Variants in STAG1 observed in about 807,000 individuals in gnomAD.
STAG1 encodes STAG1 cohesin complex component.
A neutral mutation model predicts 170.9 loss-of-function variants in STAG1; 26 were observed. The ratio of observed to expected loss-of-function variants is 0.15; its 90% CI spans 0.11 to 0.21. The LOEUF is 0.21. Among genes scored for constraint, STAG1 ranks in the 10% least tolerant of loss-of-function variants. The pLI, the probability that STAG1 is intolerant of heterozygous loss-of-function variation, is 1.00. For missense variants in STAG1, 964 were observed against 1,509.5 expected (o/e 0.64, Z 5.99); for synonymous variants, 514 against 497.7 (o/e 1.03, Z -0.44).
intron 21 of STAG1, among the ~76,000 whole-genome samples, chr3:136,410,308 G>A (rs926830279): frequency 6.6e-6 from 1 of 151,992 alleles, no homozygotes; most frequent in African/African-American, 2.4e-5. Context: ...GCTGAGGCAG[G>A]AGAATTGCCT....
chr3:136,454,618 C>T (rs375473930), intron 13 of STAG1, among the ~76,000 whole-genome samples: 3 of 150,662 alleles, frequency 2.0e-5, no homozygotes, highest in Admixed American at 1.3e-4. Context: ...GACCTCAAGT[C>T]GTCCACCTGC....
chr3:136,357,638 A>T, intron 28 of STAG1, 82 bp downstream of exon 28: 1 of 1,085,466 alleles, frequency 9.2e-7, no homozygotes, highest in Non-Finnish European at 1.3e-6. Context: ...AAAGATATCC[A>T]AATGATTAAA....
chr3:136,625,435 C>T (rs1204243001), intron 2 of STAG1, among the ~76,000 whole-genome samples: 1 of 152,214 alleles, frequency 6.6e-6, no homozygotes, highest in Non-Finnish European at 1.5e-5. Flanking sequence ...GACATACTTA[C>T]TTGAATGCCA....
intron 28 of STAG1, among the ~76,000 whole-genome samples, chr3:136,355,259 G>T (rs914087597): frequency 1.4e-5 from 2 of 148,004 alleles, no homozygotes; most frequent in African/African-American, 5.0e-5. Context: ...GGCTGAGGCA[G>T]GAGAATCGCT....
At chr3:136,474,651 C>T (rs191157944) in intron 10 of STAG1, among the ~76,000 whole-genome samples, 75 of 152,300 alleles carry the variant, frequency 4.9e-4, no homozygotes, top group Non-Finnish European at 3.2e-4. Context: ...CCTACAGTAG[C>T]ATACATACCA....
intron 6 of STAG1, among the ~76,000 whole-genome samples, chr3:136,524,804 A>T (rs536847017): frequency 8.1e-4 from 123 of 152,312 alleles, no homozygotes; most frequent in Admixed American, 1.5e-3. Context: ...TTTTAGCATG[A>T]AGGCTGTTGA....
intron 9 of STAG1, 95 bp from the exon 10 acceptor site, chr3:136,477,507 G>C (rs570280380): frequency 1.7e-6 from 2 of 1,165,196 alleles, no homozygotes; most frequent in East Asian, 2.6e-5. Context: ...TTCTAATGCT[G>C]TTTGTATATA....
At chr3:136,427,155 G>C (rs1300152297) in intron 16 of STAG1, among the ~76,000 whole-genome samples, 1 of 150,814 alleles carries the variant, frequency 6.6e-6, no homozygotes. Flanking sequence ...CTTGAACCCG[G>C]GAGGCAGATG....
At chr3:136,681,670 T>C (rs1942341295) in intron 1 of STAG1, among the ~76,000 whole-genome samples, 1 of 152,128 alleles carries the variant, frequency 6.6e-6, no homozygotes, top group Non-Finnish European at 1.5e-5. Flanking sequence ...GAACTCAACC[T>C]CATATTAAAA....
At chr3:136,456,577 C>A (rs2089118458) in intron 13 of STAG1, among the ~76,000 whole-genome samples, 1 of 152,050 alleles carries the variant, frequency 6.6e-6, no homozygotes, top group East Asian at 1.9e-4. Context: ...AGAAAAAGGG[C>A]CTGGAAAGCA....
chr3:136,432,987 T>A lies in STAG1; in HGVS notation c.1650+569A>T, dbSNP rs192983157. Among the ~76,000 whole-genome samples, 114 of 152,280 alleles carry A rather than the reference T, an allele frequency of 7.5e-4. No individual in the cohort carries two copies. In the East Asian group the frequency reaches 0.021, roughly 28 times the overall value. On this transcript the variant is annotated intron_variant, in intron 16 of 33. Coordinates refer to ENST00000383202, the MANE Select transcript of STAG1 (RefSeq NM_005862.3). ...TATTTCCCAATGTGTGTTTTTTTTT[T>A]AATCTTTGGTGAATTTCCAGAGCCC...
chr3:136,530,065 T>C (rs1034156554), intron 6 of STAG1, among the ~76,000 whole-genome samples: 2 of 151,444 alleles, frequency 1.3e-5, no homozygotes, highest in Non-Finnish European at 2.9e-5. Context: ...CAAATAGAAA[T>C]GAAAAGTGAG....
At chr3:136,449,918 T>TA (rs1553723526) in intron 14 of STAG1, among the ~76,000 whole-genome samples, 1 of 150,966 alleles carries the variant, frequency 6.6e-6, no homozygotes, top group Non-Finnish European at 1.5e-5. Flanking sequence ...TTTTTTTTTT[T>TA]AGAGACAGGG....
intron 9 of STAG1, among the ~76,000 whole-genome samples, chr3:136,479,052 T>C (rs986189423): frequency 7.4e-6 from 1 of 135,912 alleles, no homozygotes; most frequent in Non-Finnish European, 1.5e-5. Context: ...TTGGCTATTA[T>C]AATCTTTCTT....
intron 13 of STAG1, among the ~76,000 whole-genome samples, chr3:136,457,518 C>T (rs1455048642): frequency 2.0e-5 from 3 of 152,118 alleles, no homozygotes; most frequent in Non-Finnish European, 2.9e-5. Flanking sequence ...TCCCAGAGCT[C>T]GGGGCCTTCG....
At chr3:136,638,919 A>G (rs1287242073) in intron 1 of STAG1, among the ~76,000 whole-genome samples, 1 of 152,128 alleles carries the variant, frequency 6.6e-6, no homozygotes, top group African/African-American at 2.4e-5. Context: ...ATAAATAAAT[A>G]AATGCATGTT....
chr3:136,751,375 C>T (rs1222529813), intron 1 of STAG1, among the ~76,000 whole-genome samples: 1 of 152,160 alleles, frequency 6.6e-6, no homozygotes, highest in Non-Finnish European at 1.5e-5. Context: ...TCGGACCCTG[C>T]AAACGGGGCT....
At chr3:136,592,386 T>C (rs944670290) in intron 4 of STAG1, among the ~76,000 whole-genome samples, 2 of 152,158 alleles carry the variant, frequency 1.3e-5, no homozygotes, top group Non-Finnish European at 1.5e-5. Context: ...GCACTCATTT[T>C]CTCTCCTGCT....
intron 22 of STAG1, among the ~76,000 whole-genome samples, chr3:136,384,390 C>G (rs1938146134): frequency 6.7e-6 from 1 of 148,756 alleles, no homozygotes; most frequent in Non-Finnish European, 1.5e-5. Flanking sequence ...GTGTAGGTTA[C>G]AGAGAGCAAA....
Sources: allele counts gnomAD v4.1 joint callset (sites outside exome capture counted in the v4.1 genomes callset), GRCh38; gene constraint gnomAD v4.1.1; transcripts MANE v1.5; gene names NCBI Gene and HGNC (gene_info 2026-07-23, HGNC 2026-07-21).